Variants in DCT observed in about 807,000 individuals in gnomAD.
DCT encodes L-dopachrome tautomerase.
In DCT, 47 loss-of-function variants were observed where a neutral mutation model predicts 53.0. The ratio of observed to expected loss-of-function variants is 0.89; its 90% CI spans 0.70 to 1.13. The LOEUF (loss-of-function observed/expected upper bound fraction) is 1.13. Among genes scored for constraint, DCT ranks in the 50% most tolerant of loss-of-function variants. The pLI is 0.00. For missense variants in DCT, 669 were observed against 637.4 expected (o/e 1.05, Z -0.53); for synonymous variants, 244 against 237.0 (o/e 1.03, Z -0.27).
chr13:94,444,073 G>A (rs1764833424), intron 6 of DCT, among the ~76,000 whole-genome samples: 1 of 152,122 alleles, frequency 6.6e-6, no homozygotes, highest in Admixed American at 6.5e-5. Context: ...TTTAACAGGA[G>A]AGAAAGAAAA....
chr13:94,444,511 A>G, intron 6 of DCT: 2 of 401,244 alleles, frequency 5.0e-6, no homozygotes, highest in South Asian at 3.7e-5. Flanking sequence ...AAATATAGCA[A>G]TTACTATATG....
At chr13:94,497,344 C>T in the DCT span, among the ~76,000 whole-genome samples, 3 of 152,090 alleles carry the variant, frequency 2.0e-5, no homozygotes, top group Non-Finnish European at 2.9e-5. Flanking sequence ...ATCAAGTGAT[C>T]CAATTCCTTA....
At chr13:94,444,305 A>G (rs1322514949) in intron 6 of DCT, 1 of 431,788 alleles carries the variant, frequency 2.3e-6, no homozygotes, top group Non-Finnish European at 4.6e-6. Context: ...CATTTCAGAT[A>G]AGTGATACTC....
the DCT span, among the ~76,000 whole-genome samples, chr13:94,538,123 A>G: frequency 0.51 from 76,980 of 151,814 alleles, 22,116 homozygotes; most frequent in African/African-American, 0.78. Context: ...AGGATGGAAG[A>G]AACAGCTAAG....
At chr13:94,506,816 T>C in the DCT span, among the ~76,000 whole-genome samples, 2 of 152,214 alleles carry the variant, frequency 1.3e-5, no homozygotes, top group Non-Finnish European at 2.9e-5. Flanking sequence ...CATGATAAGA[T>C]ATATCAATAT....
intron 1 of DCT, among the ~76,000 whole-genome samples, chr13:94,472,556 ATATATATATATATTTTTTTTTTTTT>A (rs1884784369): frequency 4.4e-5 from 1 of 22,812 alleles, no homozygotes; most frequent in Non-Finnish European, 7.3e-5. Flanking sequence ...ATATATATAT[ATATATATATATATTTTTTTTTTTTT>A]TTTTTTTTTT....
chr13:94,459,044 T>C (rs1008684579), intron 6 of DCT, among the ~76,000 whole-genome samples: 1 of 146,842 alleles, frequency 6.8e-6, no homozygotes, highest in Non-Finnish European at 1.5e-5. Context: ...GCCCAGCTAA[T>C]TTGTAAAGGT....
At chr13:94,454,797 A>G (rs1883304158) in intron 6 of DCT, among the ~76,000 whole-genome samples, 1 of 152,194 alleles carries the variant, frequency 6.6e-6, no homozygotes, top group Non-Finnish European at 1.5e-5. Flanking sequence ...TTAAGGCTGA[A>G]TTGGCTTCAG....
At chr13:94,534,446 C>T in the DCT span, among the ~76,000 whole-genome samples, 1 of 152,200 alleles carries the variant, frequency 6.6e-6, no homozygotes, top group South Asian at 2.1e-4. Flanking sequence ...TTTTCTTAGA[C>T]CACCAATTAT....
chr13:94,533,674 A>T, the DCT span, among the ~76,000 whole-genome samples: 1 of 152,200 alleles, frequency 6.6e-6, no homozygotes, highest in Non-Finnish European at 1.5e-5. Flanking sequence ...AGTCCCAGCT[A>T]CTTGGGAGGC....
chr13:94,452,618 A>C, intron 6 of DCT: 2 of 770,316 alleles, frequency 2.6e-6, no homozygotes, highest in Non-Finnish European at 4.8e-6. Flanking sequence ...TTACATGTTC[A>C]AGGATGTTTG....
At chr13:94,526,318 AT>A in the DCT span, among the ~76,000 whole-genome samples, 1 of 152,252 alleles carries the variant, frequency 6.6e-6, no homozygotes, top group African/African-American at 2.4e-5. Context: ...GATTAAAGAC[AT>A]TAAAAATCCA....
chr13:94,444,426 CA>C (rs1468981833), intron 6 of DCT: 1 of 516,338 alleles, frequency 1.9e-6, no homozygotes, highest in East Asian at 5.5e-5. Flanking sequence ...GTTATGCCAG[CA>C]AAAGAAAGTC....
the DCT span, among the ~76,000 whole-genome samples, chr13:94,492,287 T>G: frequency 3.8e-4 from 58 of 152,320 alleles, no homozygotes; most frequent in African/African-American, 1.4e-3. Flanking sequence ...GCCTCTTGAA[T>G]CACATGCCCC....
chr13:94,493,146 G>A, the DCT span, among the ~76,000 whole-genome samples: 1 of 152,092 alleles, frequency 6.6e-6, no homozygotes, highest in Non-Finnish European at 1.5e-5. Context: ...GCTATTTTCA[G>A]ATCTAATATA....
Position 94,468,861 on chromosome 13 carries a change from T to C in DCT, c.480A>G (p.Thr160=), listed in dbSNP as rs770910422. 1 of 1,614,224 alleles carries C rather than the reference T, an allele frequency of 6.2e-7. No individual in the cohort carries two copies. ...KRVHPDYVIT[T]QHWLGLLGPN... The stretch of plus-strand genomic sequence containing the variant: ...GCCCAAGCAGGCCCAGCCAGTGTTG[T>C]GTGGTGATCACGTAGTCGGGGTGTA... The change falls in exon 2 of 8, where the codon ACA becomes ACG. Residue 160 remains threonine, a synonymous_variant. Coordinates refer to ENST00000377028, the MANE Select transcript of DCT (RefSeq NM_001922.5).
chr13:94,460,463 A>T (rs546392458), intron 5 of DCT, among the ~76,000 whole-genome samples: 1 of 152,342 alleles, frequency 6.6e-6, no homozygotes, highest in East Asian at 1.9e-4. Flanking sequence ...ACTGTATGAC[A>T]ACTTTCATAT....
chr13:94,486,218 T>C, the DCT span, among the ~76,000 whole-genome samples: 1 of 152,216 alleles, frequency 6.6e-6, no homozygotes, highest in African/African-American at 2.4e-5. Flanking sequence ...AAGGGACTGA[T>C]GGAAACTTAC....
chr13:94,537,932 G>C, the DCT span, among the ~76,000 whole-genome samples: 1 of 152,190 alleles, frequency 6.6e-6, no homozygotes, highest in Non-Finnish European at 1.5e-5. Flanking sequence ...GATGAAAAAA[G>C]AGGAGAAGTA....
Sources: gnomAD v4.1 joint callset for allele counts (sites outside exome capture counted in the v4.1 genomes callset) on GRCh38, gnomAD v4.1.1 for gene constraint, MANE v1.5 for transcripts, NCBI Gene and HGNC (gene_info 2026-07-23, HGNC 2026-07-21) for gene names.